FTO: variants seen among roughly 807,000 people sequenced by gnomAD.
The protein encoded by FTO is FTO alpha-ketoglutarate dependent dioxygenase.
A neutral mutation model predicts 63.9 loss-of-function variants in FTO; 47 were observed. The ratio of observed to expected loss-of-function variants is 0.74; its 90% CI spans 0.58 to 0.94. The LOEUF is 0.94. Ranked by LOEUF, FTO falls within the 40% of genes least tolerant of loss-of-function variation. FTO has a pLI of 0.00. For missense variants in FTO, 562 were observed against 618.1 expected (o/e 0.91, Z 0.96); for synonymous variants, 207 against 224.4 (o/e 0.92, Z 0.69).
intron 8 of FTO, among the ~76,000 whole-genome samples, chr16:53,936,561 C>A (rs2082395291): frequency 6.6e-6 from 1 of 152,194 alleles, no homozygotes; most frequent in Admixed American, 6.5e-5. Flanking sequence ...TATAAAACAT[C>A]CACTGCAGTG....
At chr16:54,023,435 T>G (rs1429619653) in intron 8 of FTO, among the ~76,000 whole-genome samples, 1 of 152,254 alleles carries the variant, frequency 6.6e-6, no homozygotes, top group African/African-American at 2.4e-5. Flanking sequence ...TTTTCATTAA[T>G]TTATTCCTTA....
At chr16:54,103,496 C>A (rs1341207055) in intron 8 of FTO, among the ~76,000 whole-genome samples, 1 of 152,214 alleles carries the variant, frequency 6.6e-6, no homozygotes, top group Non-Finnish European at 1.5e-5. Flanking sequence ...CTTTACTGAT[C>A]TGGAAACATT....
At chr16:53,893,106 G>A (rs1286287774) in intron 7 of FTO, among the ~76,000 whole-genome samples, 2 of 151,936 alleles carry the variant, frequency 1.3e-5, no homozygotes, top group South Asian at 2.1e-4. Flanking sequence ...ATATTTGAAT[G>A]ACATTCTGAT....
At chr16:53,897,214 A>G (rs1375706377) in intron 7 of FTO, among the ~76,000 whole-genome samples, 3 of 152,056 alleles carry the variant, frequency 2.0e-5, no homozygotes, top group Admixed American at 1.3e-4. Flanking sequence ...TTTTCTTTGC[A>G]TGATCTCAGT....
intron 4 of FTO, among the ~76,000 whole-genome samples, chr16:53,856,870 C>T (rs2080015775): frequency 2.0e-5 from 3 of 152,130 alleles, no homozygotes; most frequent in African/African-American, 7.2e-5. Flanking sequence ...TGTAGTCTGT[C>T]CTACAGTTGG....
intron 7 of FTO, among the ~76,000 whole-genome samples, chr16:53,933,264 A>G (rs1268455829): frequency 6.6e-6 from 1 of 152,202 alleles, no homozygotes; most frequent in Non-Finnish European, 1.5e-5. Flanking sequence ...AGACAATTTC[A>G]TTGAAATTGT....
intron 8 of FTO, among the ~76,000 whole-genome samples, chr16:54,033,634 T>C (rs2084878150): frequency 6.6e-6 from 1 of 151,908 alleles, no homozygotes; most frequent in Non-Finnish European, 1.5e-5. Context: ...CTGGGCAATA[T>C]AACGAGACCC....
chr16:53,863,164 G>A (rs914406590), intron 4 of FTO, among the ~76,000 whole-genome samples: 2 of 152,168 alleles, frequency 1.3e-5, no homozygotes, highest in Admixed American at 6.5e-5. Context: ...TGAATCAAGT[G>A]TCTTCTTGAA....
At position 53,793,006 on chromosome 16, in the gene FTO, ATCTT is replaced by A. The variant is rs1030395584; in HGVS notation, c.46-17132_46-17129del. On this transcript the variant is annotated intron_variant, in intron 1 of 8. Transcript: ENST00000471389. The stretch of plus-strand genomic sequence containing the variant: ...TGAGGAAGAATCTTGGGTAAGTGTT[ATCTT>A]TGTTTTCAGTAGAATTACTTGGAGC... Among the ~76,000 whole-genome samples the A allele has an allele frequency of 1.6e-4, 25 of 152,180 alleles. 1 individual carries two copies. Among genetic ancestry groups the A allele is most frequent in the African/African-American group, 5.3e-4 (22 of 41,446 alleles).
chr16:53,964,681 T>G (rs2083158216), intron 8 of FTO, among the ~76,000 whole-genome samples: 3 of 152,248 alleles, frequency 2.0e-5, no homozygotes, highest in Admixed American at 6.5e-5. Context: ...AGATGCAATT[T>G]GAATGTAGTC....
At chr16:53,926,614 A>G (rs1027521735) in intron 7 of FTO, among the ~76,000 whole-genome samples, 1 of 152,192 alleles carries the variant, frequency 6.6e-6, no homozygotes, top group Non-Finnish European at 1.5e-5. Flanking sequence ...TGGTGGAAGG[A>G]CGTAGTTTGT....
chr16:54,063,200 C>T (rs1214208914), intron 8 of FTO, among the ~76,000 whole-genome samples: 1 of 152,142 alleles, frequency 6.6e-6, no homozygotes, highest in Non-Finnish European at 1.5e-5. Flanking sequence ...CAATAGGGGT[C>T]CCCATCTGCA....
At position 53,810,194 on chromosome 16, in the gene FTO, A is replaced by G; in HGVS notation, c.100A>G (p.Lys34Glu). ...CACTTGGCTCCCTTATCTGACCCCCAAAGATGATGAATTCTATCAGCAGGT... is the reference window on the plus strand; with the variant it reads ...CACTTGGCTCCCTTATCTGACCCCCGAAGATGATGAATTCTATCAGCAGGT... ...EDTWLPYLTP[K>E]DDEFYQQWQL... Residue 34 changes from lysine (K) to glutamate (E), a missense_variant, in exon 2 of 9, where the codon AAA (lysine) becomes GAA (glutamate). By Grantham distance (56) the Lys-to-Glu change is moderately conservative (BLOSUM62 1). Transcript: ENST00000471389. The G allele has an allele frequency of 1.2e-6, 2 of 1,608,118 alleles. No homozygotes were observed. Among genetic ancestry groups the G allele is most frequent in the Non-Finnish European group, 1.7e-6 (2 of 1,175,060 alleles).
intron 8 of FTO, among the ~76,000 whole-genome samples, chr16:53,945,419 A>C (rs2082631493): frequency 6.6e-6 from 1 of 152,244 alleles, no homozygotes; most frequent in Non-Finnish European, 1.5e-5. Context: ...GATGGAATTT[A>C]AGCCAAGACG....
chr16:53,979,373 A>G, intron 8 of FTO: 2 of 398,590 alleles, frequency 5.0e-6, no homozygotes, highest in Non-Finnish European at 8.8e-6. Context: ...ATTTCTAGAA[A>G]GATGGACCAA....
intron 8 of FTO, among the ~76,000 whole-genome samples, chr16:54,021,451 C>T (rs1233909314): frequency 1.3e-5 from 2 of 151,480 alleles, no homozygotes; most frequent in African/African-American, 4.9e-5. Flanking sequence ...GATTACATGG[C>T]CTTTACAAGG....
intron 8 of FTO, among the ~76,000 whole-genome samples, chr16:54,095,353 C>T (rs2144572256): frequency 6.6e-6 from 1 of 152,210 alleles, no homozygotes; most frequent in Middle Eastern, 3.4e-3. Flanking sequence ...ATGCCTAACT[C>T]ATTCTCACTT....
At position 53,830,626 on chromosome 16, in the gene FTO, G is replaced by A. The variant is rs554087599; in HGVS notation, c.751+4135G>A. ...CAAGGAGCCAGGAAGGCAGCTGGGC[G>A]CGGAGGCTCACAACTGTAATCCCAG... On this transcript the variant is annotated intron_variant, in intron 3 of 8. Coordinates refer to ENST00000471389, the MANE Select transcript of FTO (RefSeq NM_001080432.3). Among the ~76,000 whole-genome samples the A allele has an allele frequency of 2.3e-4, 35 of 152,314 alleles. No homozygotes were observed. The South Asian group carries it at 5.2e-3, about 23-fold the overall frequency.
At chr16:53,821,957 GC>G (rs1394314115) in intron 2 of FTO, among the ~76,000 whole-genome samples, 2 of 152,208 alleles carry the variant, frequency 1.3e-5, no homozygotes, top group African/African-American at 4.8e-5. Context: ...GGTTGCTGTG[GC>G]AGAGGGGTGC....
Sources: gnomAD v4.1 joint callset for allele counts (sites outside exome capture counted in the v4.1 genomes callset) on GRCh38, gnomAD v4.1.1 for gene constraint, MANE v1.5 for transcripts, NCBI Gene and HGNC (gene_info 2026-07-23, HGNC 2026-07-21) for gene names.